Variants in C11orf65 observed in about 807,000 individuals in gnomAD.
The protein encoded by C11orf65 is chromosome 11 open reading frame 65, also known as protein MFI.
Under a neutral mutation model 35.3 loss-of-function variants are expected in C11orf65, and 38 were observed. The ratio of observed to expected loss-of-function variants is 1.08; its 90% CI spans 0.83 to 1.41. The LOEUF (loss-of-function observed/expected upper bound fraction) is 1.41, where lower values mean the gene tolerates loss of function less well. C11orf65 is among the 40% of genes most tolerant of loss of function. C11orf65 has a pLI of 0.00. For missense variants in C11orf65, 370 were observed against 367.1 expected, an observed-to-expected ratio of 1.01 and a Z score of -0.06; for synonymous variants, 105 against 114.4, an observed-to-expected ratio of 0.92 and a Z score of 0.53.
At chr11:108,433,407 T>C (rs1314933907) in intron 2 of C11orf65, among the ~76,000 whole-genome samples, 1 of 151,702 alleles carries the variant, frequency 6.6e-6, no homozygotes, top group African/African-American at 2.4e-5. Context: ...TGAAACCCTG[T>C]CTCTACTAAA....
At chr11:108,363,275 TTC>T (rs1244323904) in intron 2 of C11orf65, among the ~76,000 whole-genome samples, 1 of 152,198 alleles carries the variant, frequency 6.6e-6, no homozygotes, top group African/African-American at 2.4e-5. Flanking sequence ...CAGTCACTAT[TTC>T]TGAACTGATC....
intron 2 of C11orf65, among the ~76,000 whole-genome samples, chr11:108,349,061 G>A (rs76877210): frequency 0.021 from 3,209 of 152,252 alleles, 122 homozygotes; most frequent in African/African-American, 0.071. Flanking sequence ...CACATCATCC[G>A]TGATAAAGAG....
rs149198773 is a variant in C11orf65 at position 108,396,698 on chromosome 11, G to C, written c.561-3320C>G. Among the ~76,000 whole-genome samples, 1,133 of 151,786 alleles carry C rather than the reference G, an allele frequency of 7.5e-3. 9 individuals are homozygous for C. Among genetic ancestry groups the C allele is most frequent in the African/African-American group, 0.024 (1,004 of 41,488 alleles). On this transcript the variant is annotated intron_variant, in intron 6 of 8. Coordinates refer to ENST00000393084, the MANE Select transcript of C11orf65 (RefSeq NM_152587.5). ...TACAAAAAAAAATTAGCTGGGCGTGGTGGCAGGTGCTTGTAGTCCCAGCTA... is the reference window on the plus strand; with the variant it reads ...TACAAAAAAAAATTAGCTGGGCGTGCTGGCAGGTGCTTGTAGTCCCAGCTA...
rs587782049 is a variant in C11orf65 at position 108,335,866 on chromosome 11, G to C, written c.227-574C>G. The C allele has an allele frequency of 6.2e-7, 1 of 1,613,812 alleles. No individual in the cohort carries two copies. The highest frequency in any genetic ancestry group is 8.5e-7 in the Non-Finnish European group (1 of 1,179,914). ...GAAGGGCCGTGATGACCTGAGACAAGATGCTGTCATGCAACAGGTCTTCCA... is the reference window on the plus strand; with the variant it reads ...GAAGGGCCGTGATGACCTGAGACAACATGCTGTCATGCAACAGGTCTTCCA... On this transcript the variant is annotated intron_variant, in intron 2 of 3. Coordinates refer to the C11orf65 transcript ENST00000524755.
chr11:108,426,881 C>T (rs1272852263), intron 3 of C11orf65, among the ~76,000 whole-genome samples: 1 of 152,100 alleles, frequency 6.6e-6, no homozygotes, highest in Non-Finnish European at 1.5e-5. Context: ...CAAAAACAAA[C>T]ACATCTTTGA....
intron 2 of C11orf65, among the ~76,000 whole-genome samples, chr11:108,455,200 C>A (rs1409893962): frequency 6.6e-6 from 1 of 152,102 alleles, no homozygotes; most frequent in Non-Finnish European, 1.5e-5. Context: ...CATGGATGCC[C>A]CTGCTTACTA....
In C11orf65 at chr11:108,423,393, G is replaced by A. The variant is rs527634852; in HGVS notation, c.174+8353C>T. Among the ~76,000 whole-genome samples the A allele has an allele frequency of 1.2e-4, 18 of 152,242 alleles. No individual in the cohort carries two copies. The East Asian group carries it at 2.3e-3, about 20-fold the overall frequency. On this transcript the variant is annotated intron_variant, in intron 3 of 8. Coordinates refer to ENST00000393084, the MANE Select transcript of C11orf65 (RefSeq NM_152587.5). ...TCGACCTGGGACACTGGAGTTTGGT[G>A]GGGGGAGGGACATCTGCAATTACTG...
chr11:108,309,914 T>A (rs1011935357), intron 6 of C11orf65, among the ~76,000 whole-genome samples: 3 of 152,152 alleles, frequency 2.0e-5, no homozygotes, highest in South Asian at 2.1e-4. Flanking sequence ...GGTGATAGTC[T>A]ACAGGTTTTA....
At chr11:108,450,334 T>C (rs1433483801) in intron 2 of C11orf65, among the ~76,000 whole-genome samples, 14 of 151,828 alleles carry the variant, frequency 9.2e-5, no homozygotes, top group African/African-American at 1.2e-4. Context: ...CGTATGTTTA[T>C]TGCGGCACTA....
downstream of C11orf65, among the ~76,000 whole-genome samples, chr11:108,329,464 T>C (rs1236948988): frequency 6.6e-6 from 1 of 151,974 alleles, no homozygotes; most frequent in Non-Finnish European, 1.5e-5. Context: ...TGGAGTACAG[T>C]GGCGTGATCA....
At chr11:108,379,232 G>A (rs2091809193), downstream of C11orf65, among the ~76,000 whole-genome samples, 1 of 152,070 alleles carries the variant, frequency 6.6e-6, no homozygotes, top group African/African-American at 2.4e-5. Flanking sequence ...CAACCCAAAT[G>A]TCCAAAAATG....
At chr11:108,465,186 C>T (rs1045397642) in intron 1 of C11orf65, among the ~76,000 whole-genome samples, 1 of 152,124 alleles carries the variant, frequency 6.6e-6, no homozygotes, top group Admixed American at 6.5e-5. Flanking sequence ...TCTTAAAAAT[C>T]CCTTGAAAAT....
chr11:108,310,959 T>C (rs2084105813), intron 6 of C11orf65, among the ~76,000 whole-genome samples: 1 of 152,146 alleles, frequency 6.6e-6, no homozygotes, highest in South Asian at 2.1e-4. Context: ...TCCCAACTGC[T>C]CTTTTCAAAT....
At chr11:108,380,014 G>C (rs952678481), downstream of C11orf65, among the ~76,000 whole-genome samples, 1 of 152,196 alleles carries the variant, frequency 6.6e-6, no homozygotes, top group African/African-American at 2.4e-5. Flanking sequence ...AAAAGCACAA[G>C]TAAGTTACAC....
chr11:108,449,100 G>A (rs1392544302), intron 2 of C11orf65, among the ~76,000 whole-genome samples: 1 of 152,140 alleles, frequency 6.6e-6, no homozygotes, highest in East Asian at 1.9e-4. Flanking sequence ...CCTCTTCAAG[G>A]AGAACTACAA....
At chr11:108,464,068 A>G (rs1157950784) in intron 1 of C11orf65, among the ~76,000 whole-genome samples, 3 of 151,584 alleles carry the variant, frequency 2.0e-5, no homozygotes, top group African/African-American at 7.3e-5. Flanking sequence ...CTGGGATTAC[A>G]GGTGTGTGCC....
chr11:108,412,423 C>G (rs2092673942), intron 3 of C11orf65, among the ~76,000 whole-genome samples: 1 of 152,052 alleles, frequency 6.6e-6, no homozygotes, highest in Non-Finnish European at 1.5e-5. Flanking sequence ...TTACAAAGGG[C>G]AGATCAGAGA....
intron 3 of C11orf65, among the ~76,000 whole-genome samples, chr11:108,428,669 G>A (rs1193957796): frequency 2.0e-5 from 3 of 152,144 alleles, no homozygotes; most frequent in African/African-American, 7.2e-5. Flanking sequence ...AGAGGCGTTG[G>A]GGGGCTAGAG....
intron 2 of C11orf65, among the ~76,000 whole-genome samples, chr11:108,363,353 TG>T (rs1354183736): frequency 6.6e-6 from 1 of 152,176 alleles, no homozygotes; most frequent in Non-Finnish European, 1.5e-5. Context: ...TTCTTTTCAG[TG>T]TATTTGTCTC....
Sources: allele counts gnomAD v4.1 joint callset (sites outside exome capture counted in the v4.1 genomes callset), GRCh38; gene constraint gnomAD v4.1.1; transcripts MANE v1.5; gene names NCBI Gene and HGNC (gene_info 2026-07-23, HGNC 2026-07-21).